RFTN1: variants seen among roughly 807,000 people sequenced by gnomAD.
The protein encoded by RFTN1 is raftlin, lipid raft linker 1.
In RFTN1, 26 loss-of-function variants were observed where a neutral mutation model predicts 46.5. The ratio of observed to expected loss-of-function variants is 0.56; its 90% CI spans 0.41 to 0.78. RFTN1 has a LOEUF of 0.78. Among genes scored for constraint, RFTN1 ranks in the 30% least tolerant of loss-of-function variants. The pLI is 0.00. For missense variants in RFTN1, 693 were observed against 718.7 expected (o/e 0.96, Z 0.41); for synonymous variants, 261 against 284.2 (o/e 0.92, Z 0.82).
At chr3:16,482,737 T>C (rs1575354388) in intron 2 of RFTN1, 1 of 1,524,654 alleles carries the variant, frequency 6.6e-7, no homozygotes, top group South Asian at 1.2e-5. Context: ...ACAATGATTA[T>C]ATCAATACCA....
At chr3:16,379,698 G>C (rs559983871) in intron 4 of RFTN1, among the ~76,000 whole-genome samples, 1 of 151,472 alleles carries the variant, frequency 6.6e-6, no homozygotes, top group South Asian at 2.1e-4. Flanking sequence ...CTCTTCAAAA[G>C]TTAAAAAAAA....
At chr3:16,503,684 C>T (rs866339214) in intron 1 of RFTN1, among the ~76,000 whole-genome samples, 6 of 152,294 alleles carry the variant, frequency 3.9e-5, no homozygotes, top group African/African-American at 1.2e-4. Context: ...CTTAGTTCCA[C>T]ATCCCTCAAT....
rs1316088548 is a variant in RFTN1 at position 16,377,878 on chromosome 3, C to A, written c.666G>T (p.Glu222Asp). 6.2e-7 allele frequency: 1 copy of A among 1,614,118 alleles called. No individual in the cohort carries two copies. Among genetic ancestry groups the A allele is most frequent in the Non-Finnish European group, 8.5e-7 (1 of 1,180,044 alleles). Reference protein sequence around the residue: ...SAPAGRNQSPEPSSGPRGEVP... With the variant: ...SAPAGRNQSPDPSSGPRGEVP... The stretch of plus-strand genomic sequence containing the variant: ...CCTCCCCTCTGGGGCCTGAGCTGGG[C>A]TCTGGGCTTTGGTTTCTCCCAGCCG... The change falls in exon 5 of 10, where the codon GAG (glutamate) becomes GAT (aspartate). Residue 222 changes from glutamate to aspartate, a missense_variant. Physicochemically the swap from Glu to Asp is conservative, Grantham distance 45 (BLOSUM62 2). Coordinates refer to ENST00000334133, the MANE Select transcript of RFTN1 (RefSeq NM_015150.2).
At chr3:16,494,380 T>G (rs899300474) in intron 1 of RFTN1, among the ~76,000 whole-genome samples, 1 of 152,234 alleles carries the variant, frequency 6.6e-6, no homozygotes, top group Non-Finnish European at 1.5e-5. Flanking sequence ...AGACAGGAAA[T>G]TTATATTCAT....
chr3:16,409,081 G>A (rs2074926768), intron 4 of RFTN1, among the ~76,000 whole-genome samples: 6 of 152,230 alleles, frequency 3.9e-5, no homozygotes. Context: ...ACATTACCAT[G>A]AGGGTTTGAA....
At chr3:16,508,242 G>C (rs1200580604) in intron 1 of RFTN1, among the ~76,000 whole-genome samples, 1 of 152,184 alleles carries the variant, frequency 6.6e-6, no homozygotes, top group African/African-American at 2.4e-5. Flanking sequence ...ATGTAACTGG[G>C]ACATCAAAGC....
At chr3:16,445,975 C>A (rs964007755) in intron 2 of RFTN1, among the ~76,000 whole-genome samples, 3 of 151,880 alleles carry the variant, frequency 2.0e-5, no homozygotes, top group Non-Finnish European at 2.9e-5. Context: ...GGGCCAGAAC[C>A]CATGCTGGGT....
intron 3 of RFTN1, among the ~76,000 whole-genome samples, chr3:16,416,738 T>G (rs1162533776): frequency 6.6e-6 from 1 of 152,142 alleles, no homozygotes; most frequent in Non-Finnish European, 1.5e-5. Flanking sequence ...ACTCTTGTAT[T>G]CTAAGAGGAA....
rs1362583500 is a variant in RFTN1, at chr3:16,449,919, C to T, written c.146-15882G>A. Among the ~76,000 whole-genome samples the T allele has an allele frequency of 6.6e-6, 1 of 152,130 alleles. No homozygotes were observed. The highest frequency in any genetic ancestry group is 1.5e-5 in the Non-Finnish European group (1 of 68,024). On this transcript the variant is annotated intron_variant, in intron 2 of 9. Transcript: ENST00000334133. This position sits in a 1 kb window ranked among gnomAD's most constrained non-coding sequence, Gnocchi z 5.1. ...AGAGAGCTGGTTCTAGAAAATGGCC[C>T]CATCTCTAGAAGTGACCAGGAAGCA...
intron 2 of RFTN1, chr3:16,434,590 T>C (rs1214946347): frequency 6.6e-6 from 1 of 151,934 alleles, no homozygotes; most frequent in African/African-American, 2.4e-5. Flanking sequence ...ATGGACTGTC[T>C]TAGATCTAGA....
rs2125020208 is a variant in RFTN1 at position 16,512,257 on chromosome 3, A to C, written c.-9+1185T>G. Among the ~76,000 whole-genome samples, 1 of 152,154 alleles carries C rather than the reference A, an allele frequency of 6.6e-6. No individual in the cohort carries two copies. The highest frequency in any genetic ancestry group is 2.4e-5 in the African/African-American group (1 of 41,516). ...CATTACACCCGGCTTCCTTCCTGGC[A>C]AGGCCTTAACTTATCCTGAGATGAC... On this transcript the variant is annotated intron_variant, in intron 1 of 9. Transcript: ENST00000334133. This position sits in a 1 kb window ranked among gnomAD's most constrained non-coding sequence, Gnocchi z 4.3.
intron 4 of RFTN1, among the ~76,000 whole-genome samples, chr3:16,401,321 T>A (rs1488373577): frequency 2.1e-5 from 3 of 145,412 alleles, no homozygotes; most frequent in Non-Finnish European, 4.5e-5. Flanking sequence ...GAAGCCGTGT[T>A]AAAAAAAAAA....
At chr3:16,510,471 C>A (rs983856246) in intron 1 of RFTN1, among the ~76,000 whole-genome samples, 1 of 152,186 alleles carries the variant, frequency 6.6e-6, no homozygotes, top group Non-Finnish European at 1.5e-5. Flanking sequence ...TTCATCTGAT[C>A]GTCTGCAATG....
chr3:16,434,698 A>C (rs1017255448), intron 2 of RFTN1: 19 of 152,302 alleles, frequency 1.2e-4, no homozygotes, highest in Admixed American at 7.9e-4. Context: ...AGGGAAAAGA[A>C]GAAAAATACA....
chr3:16,360,732 T>A (rs745838029), intron 6 of RFTN1, among the ~76,000 whole-genome samples: 3 of 152,212 alleles, frequency 2.0e-5, no homozygotes. Context: ...TTAATCTAAA[T>A]GTTCAACAAT....
chr3:16,323,875 C>T (rs2069367123), intron 8 of RFTN1, among the ~76,000 whole-genome samples: 1 of 152,200 alleles, frequency 6.6e-6, no homozygotes, highest in South Asian at 2.1e-4. Flanking sequence ...GGACAGTGGA[C>T]AGAGGTCATG....
rs78410042 is a variant in RFTN1 at position 16,383,220 on chromosome 3, C to T, written c.442-5118G>A. The stretch of plus-strand genomic sequence containing the variant: ...ACTCTTTCCACTTCAGATAATCTGA[C>T]CTGTGCCAAGATGCCCAGGTGGATG... On this transcript the variant is annotated intron_variant, in intron 4 of 9. Coordinates refer to ENST00000334133, the MANE Select transcript of RFTN1 (RefSeq NM_015150.2). This position sits in a 1 kb window ranked among gnomAD's most constrained non-coding sequence, Gnocchi z 4.0. Among the ~76,000 whole-genome samples, 11,042 of 152,186 alleles carry T rather than the reference C, an allele frequency of 0.073. 615 individuals carry two copies. The highest frequency in any genetic ancestry group is 0.13 in the Middle Eastern group (37 of 294).
rs910760691 is a variant in RFTN1 at position 16,500,397 on chromosome 3, C to T, written c.-8-6520G>A. Among the ~76,000 whole-genome samples the T allele has an allele frequency of 6.6e-6, 1 of 152,028 alleles. No individual in the cohort carries two copies. The highest frequency in any genetic ancestry group is 2.4e-5 in the African/African-American group (1 of 41,366). ...TATGGGTCTCCCGAGCATCAAGGTA[C>T]CAAGAAAAACTTTCCAAGAAGTCTT... On this transcript the variant is annotated intron_variant, in intron 1 of 9. Coordinates refer to ENST00000334133, the MANE Select transcript of RFTN1 (RefSeq NM_015150.2). The surrounding 1 kb of genome is among the most constrained non-coding windows in gnomAD (Gnocchi z 5.9).
rs11718891 is a variant in RFTN1 at position 16,429,932 on chromosome 3, C to T, written c.332+3919G>A. 6.6e-6 allele frequency among the ~76,000 whole-genome samples: 1 copy of T among 152,268 alleles called. No homozygotes were observed. The highest frequency in any genetic ancestry group is 2.4e-5 in the African/African-American group (1 of 41,564). On this transcript the variant is annotated intron_variant, in intron 3 of 9. Transcript: ENST00000334133. This position sits in a 1 kb window ranked among gnomAD's most constrained non-coding sequence, Gnocchi z 6.4. ...CTTGAAAAATATTAACCAAGTATTTCTTTCTCTTTTAAAAGCTAACTCATT... is the reference window on the plus strand; with the variant it reads ...CTTGAAAAATATTAACCAAGTATTTTTTTCTCTTTTAAAAGCTAACTCATT...
Sources: gnomAD v4.1 joint callset for allele counts (sites outside exome capture counted in the v4.1 genomes callset) on GRCh38, gnomAD v4.1.1 for gene constraint, Gnocchi (gnomAD v3.1) non-coding constraint, MANE v1.5 for transcripts, NCBI Gene and HGNC (gene_info 2026-07-23, HGNC 2026-07-21) for gene names.